The following RERE variants were observed in gnomAD, a reference collection of about 807,000 sequenced individuals.
RERE encodes the protein arginine-glutamic acid dipeptide repeats, also known as arginine-glutamic acid dipeptide repeats protein.
A neutral mutation model predicts 146.1 loss-of-function variants in RERE; 40 were observed. The ratio of observed to expected loss-of-function variants is 0.27; its 90% CI spans 0.21 to 0.36. The LOEUF (loss-of-function observed/expected upper bound fraction) is 0.36. Ranked by LOEUF, RERE falls within the 10% of genes least tolerant of loss-of-function variation. The pLI is 1.00. For synonymous variants in RERE, 1,003 were observed against 866.0 expected, an observed-to-expected ratio of 1.16 and a Z score of -2.78; for missense variants, 1,933 against 2,138.7, an observed-to-expected ratio of 0.90 and a Z score of 1.90.
chr1:8,506,686 ACCCAATCCATGG>A (rs1645253984), intron 8 of RERE, among the ~76,000 whole-genome samples: 1 of 152,032 alleles, frequency 6.6e-6, no homozygotes, highest in Non-Finnish European at 1.5e-5. Context: ...TAGACACATG[ACCCAATCCATGG>A]CAACAATATG....
At chr1:8,609,707 C>T (rs1646768181) in intron 4 of RERE, among the ~76,000 whole-genome samples, 1 of 152,168 alleles carries the variant, frequency 6.6e-6, no homozygotes, top group African/African-American at 2.4e-5. Flanking sequence ...ATACAATCAG[C>T]ATTTCCAAAA....
chr1:8,666,131 G>A (rs1206569205), intron 1 of RERE, among the ~76,000 whole-genome samples: 1 of 152,154 alleles, frequency 6.6e-6, no homozygotes, highest in African/African-American at 2.4e-5. Flanking sequence ...TAGGTTAAGT[G>A]AAAAAGGTGC....
intron 1 of RERE, among the ~76,000 whole-genome samples, chr1:8,751,948 T>C (rs1458295046): frequency 9.2e-5 from 6 of 65,282 alleles, no homozygotes; most frequent in Non-Finnish European, 2.3e-4. Flanking sequence ...TGTTTTAAGA[T>C]TGCAAAAAAA....
At chr1:8,661,094 C>G (rs1015497373) in intron 1 of RERE, among the ~76,000 whole-genome samples, 3 of 151,998 alleles carry the variant, frequency 2.0e-5, no homozygotes, top group African/African-American at 7.3e-5. Context: ...CACAGTGTTG[C>G]AGGACTGCAA....
chr1:8,686,354 AC>A (rs1639086145), intron 1 of RERE, among the ~76,000 whole-genome samples: 1 of 152,168 alleles, frequency 6.6e-6, no homozygotes, highest in Non-Finnish European at 1.5e-5. Context: ...TTTATCAGAC[AC>A]CTATTATGTG....
rs150026630 is a variant in RERE at position 8,745,437 on chromosome 1, A to G, written c.-145+71723T>C. On this transcript the variant is annotated intron_variant, in intron 1 of 22. Coordinates refer to ENST00000400908, the MANE Select transcript of RERE (RefSeq NM_001042681.2). ...AATACACATGGTTACGTTTCTCTCA[A>G]CTACTGACACTTGGCATGTCCAGCT... Among the ~76,000 whole-genome samples, 617 of 152,252 alleles carry G rather than the reference A, an allele frequency of 4.1e-3. 3 individuals carry two copies. Among genetic ancestry groups the G allele is most frequent in the African/African-American group, 0.014 (588 of 41,538 alleles).
Position 8,360,275 on chromosome 1 carries a change from C to G in RERE, c.3232G>C (p.Gly1078Arg). The G allele has an allele frequency of 6.4e-7, 1 of 1,566,408 alleles. No individual in the cohort carries two copies. The highest frequency in any genetic ancestry group is 8.6e-7 in the Non-Finnish European group (1 of 1,156,680). The stretch of plus-strand genomic sequence containing the variant: ...CAGGACGACCCCCCCGCTATGCTGC[C>G]TCCTGAAGCCGCCGCACCAGAGCAG... ...PPCSGAAASG[G>R]SIAGGSSCPL... Residue 1078 changes from glycine (G) to arginine (R), a missense_variant, in exon 18 of 23, where the codon GGC becomes CGC. Around this residue, in one of 11 missense-constraint regions of RERE, gnomAD observed 1,255 missense variants for 1,153.8 expected, o/e 1.09. Coordinates refer to ENST00000400908, the MANE Select transcript of RERE (RefSeq NM_001042681.2).
chr1:8,632,837 T>C (rs576473230), intron 2 of RERE, among the ~76,000 whole-genome samples: 1 of 152,334 alleles, frequency 6.6e-6, no homozygotes, highest in South Asian at 2.1e-4. Flanking sequence ...AGTTAGGACT[T>C]AAATACAACC....
At chr1:8,706,491 C>T (rs1639564157) in intron 1 of RERE, among the ~76,000 whole-genome samples, 1 of 152,160 alleles carries the variant, frequency 6.6e-6, no homozygotes, top group Non-Finnish European at 1.5e-5. Context: ...ATTACCCAGC[C>T]CTTAAGGGAT....
intron 1 of RERE, among the ~76,000 whole-genome samples, chr1:8,788,746 T>C (rs1307179729): frequency 6.6e-6 from 1 of 150,414 alleles, no homozygotes; most frequent in African/African-American, 2.5e-5. Context: ...TTACTAACCA[T>C]GTAGCATCTA....
At chr1:8,497,347 C>T in intron 9 of RERE, 58 bp downstream of exon 9, 6 of 1,597,326 alleles carry the variant, frequency 3.8e-6, no homozygotes, top group East Asian at 2.2e-5. Context: ...AGTTTACTGC[C>T]TATAATCAGT....
In RERE at chr1:8,431,509, T is replaced by C. The variant is rs546731822; in HGVS notation, c.1204-8702A>G. On this transcript the variant is annotated intron_variant, in intron 11 of 22. Coordinates refer to ENST00000400908, the MANE Select transcript of RERE (RefSeq NM_001042681.2). ...TTCATTACATATTACAATGTAATAATAATAGAAATAAAGTGCACAATAAAT... is the reference window on the plus strand; with the variant it reads ...TTCATTACATATTACAATGTAATAACAATAGAAATAAAGTGCACAATAAAT... Among the ~76,000 whole-genome samples the C allele has an allele frequency of 2.9e-4, 44 of 152,256 alleles. No homozygotes were observed. In the South Asian group the frequency reaches 8.9e-3, roughly 31 times the overall value.
intron 2 of RERE, among the ~76,000 whole-genome samples, chr1:8,645,515 G>A (rs1482821628): frequency 6.6e-6 from 1 of 152,168 alleles, no homozygotes; most frequent in Non-Finnish European, 1.5e-5. Context: ...AGTGATTAGT[G>A]ACTCTCAAAT....
intron 4 of RERE, among the ~76,000 whole-genome samples, chr1:8,586,393 T>C (rs1228345670): frequency 1.3e-5 from 2 of 152,206 alleles, no homozygotes; most frequent in East Asian, 3.8e-4. Flanking sequence ...TTTCTTGACC[T>C]GGGAGGTAAT....
chr1:8,646,672 G>C (rs566156877), intron 2 of RERE, among the ~76,000 whole-genome samples: 13 of 152,266 alleles, frequency 8.5e-5, no homozygotes, highest in Admixed American at 8.5e-4. Flanking sequence ...AATCCAATAT[G>C]ACTGGCATCC....
chr1:8,817,451 G>C lies in RERE; in HGVS notation c.-436C>G, dbSNP rs962424696. 1.5e-5 allele frequency: 2 copies of C among 129,116 alleles called. No homozygotes were observed. Among genetic ancestry groups the C allele is most frequent in the African/African-American group, 6.0e-5 (2 of 33,382 alleles). The allele number at this position is 129,116 out of a possible 1,614,324, so 8.0% of individuals were successfully genotyped here. On this transcript the variant is annotated 5_prime_UTR_variant, in exon 1 of 23. The change creates a new upstream start codon in the 5' untranslated region. Coordinates refer to ENST00000400908, the MANE Select transcript of RERE (RefSeq NM_001042681.2). ...TCCGAGGGCGAGGGGGCTCCCTGAGGATGATGGTGATTTTTTTTTTTTTTT... is the reference window on the plus strand; with the variant it reads ...TCCGAGGGCGAGGGGGCTCCCTGAGCATGATGGTGATTTTTTTTTTTTTTT...
rs375547664 is a variant in RERE at position 8,364,069 on chromosome 1, C to T, written c.1727G>A (p.Arg576Gln). The change falls in exon 15 of 23, where the codon CGG becomes CAG. Residue 576 changes from arginine to glutamine, a missense_variant. By Grantham distance (43) the Arg-to-Gln change is conservative. Around this residue, in one of 11 missense-constraint regions of RERE, gnomAD observed 1,255 missense variants for 1,153.8 expected, o/e 1.09. Coordinates refer to ENST00000400908, the MANE Select transcript of RERE (RefSeq NM_001042681.2). This position sits in a 1 kb window ranked among gnomAD's most constrained non-coding sequence, Gnocchi z 5.1. ...CAGGGGACTCACCGAGCCCCGACTC[C>T]GCCGTGTCCTCATGCTATGCTTCCC... is the stretch of plus-strand genomic sequence containing the variant. ...LSGKHSMRTRRSRGSMSTLRS... is the reference protein window; with the variant it reads ...LSGKHSMRTRQSRGSMSTLRS... 1.4e-5 allele frequency: 22 copies of T among 1,614,038 alleles called. No individual in the cohort carries two copies. Among genetic ancestry groups the T allele is most frequent in the Middle Eastern group, 1.6e-4 (1 of 6,082 alleles).
Position 8,364,954 on chromosome 1 carries a change from T to G in RERE, c.1448-116A>C. 4.1e-6 allele frequency: 3 copies of G among 730,298 alleles called. No homozygotes were observed. The highest frequency in any genetic ancestry group is 4.7e-6 in the Non-Finnish European group (2 of 423,640). The allele number at this position is 730,298 out of a possible 1,614,324, so 45.2% of individuals were successfully genotyped here. ...CCTGTGACCTCTGGCCTACTGCAGG[T>G]TCTGGCCACCAGTCAGAGCGGCTGG... On this transcript the variant is annotated intron_variant, in intron 13 of 22. Coordinates refer to ENST00000400908, the MANE Select transcript of RERE (RefSeq NM_001042681.2). The surrounding 1 kb of genome is among the most constrained non-coding windows in gnomAD (Gnocchi z 5.1).
intron 12 of RERE, among the ~76,000 whole-genome samples, chr1:8,411,317 CTTTTT>C (rs35754702): frequency 3.6e-5 from 5 of 139,956 alleles, no homozygotes; most frequent in Admixed American, 1.4e-4. Context: ...GGCTTCAAGT[CTTTTT>C]TTTTTTTTTT....
Sources: gnomAD v4.1 joint callset for allele counts (sites outside exome capture counted in the v4.1 genomes callset) on GRCh38, gnomAD v4.1.1 for gene constraint, gnomAD v4.1.1 regional missense constraint, Gnocchi (gnomAD v3.1) non-coding constraint, MANE v1.5 for transcripts, NCBI Gene and HGNC (gene_info 2026-07-23, HGNC 2026-07-21) for gene names.